HS6ST1: variants seen among roughly 807,000 people sequenced by gnomAD.
The protein encoded by HS6ST1 is heparan-sulfate 6-O-sulfotransferase 1.
A neutral mutation model predicts 25.2 loss-of-function variants in HS6ST1; 3 were observed. That is an observed-to-expected ratio of 0.12 (90% CI 0.05 to 0.31). The LOEUF is 0.31. HS6ST1 is among the 10% of genes least tolerant of loss of function. HS6ST1 has a pLI of 1.00. For synonymous variants in HS6ST1, 204 were observed against 275.1 expected, an observed-to-expected ratio of 0.74 and a Z score of 2.56; for missense variants, 310 against 609.6, an observed-to-expected ratio of 0.51 and a Z score of 5.18.
chr2:128,299,030 A>G (rs1694081699), intron 1 of HS6ST1, among the ~76,000 whole-genome samples: 1 of 152,136 alleles, frequency 6.6e-6, no homozygotes, highest in African/African-American at 2.4e-5. Context: ...TCGGAATGAG[A>G]GGACCAGAGG....
intron 1 of HS6ST1, among the ~76,000 whole-genome samples, chr2:128,289,390 G>A (rs1238312329): frequency 6.6e-6 from 1 of 152,064 alleles, no homozygotes; most frequent in Admixed American, 6.6e-5. Flanking sequence ...ACCCCGGTAC[G>A]GTCGCCACTA....
At position 128,268,213 on chromosome 2, in the gene HS6ST1, C is replaced by T. The variant is rs201256759; in HGVS notation, c.1185G>A (p.Pro395=). The T allele has an allele frequency of 4.8e-5, 77 of 1,609,642 alleles. No individual in the cohort carries two copies. The highest frequency in any genetic ancestry group is 2.0e-4 in the Middle Eastern group (1 of 4,902). ...TGTAGTCCTCGGTGGGCACGCGGCC[C>T]GGCTCGTCGGCATCCTCCCGCGGCA... ...EALPREDADE[P]GRVPTEDYMS... is the part of the protein sequence containing the mutation. Residue 395 remains proline, a synonymous_variant, in exon 2 of 2, where the codon CCG becomes CCA. Transcript: ENST00000259241.
At chr2:128,285,027 C>T (rs1411370355) in intron 1 of HS6ST1, among the ~76,000 whole-genome samples, 1 of 152,216 alleles carries the variant, frequency 6.6e-6, no homozygotes, top group Non-Finnish European at 1.5e-5. Context: ...CCAGAGCACC[C>T]TGTGCTGCGA....
intron 1 of HS6ST1, among the ~76,000 whole-genome samples, chr2:128,282,735 T>A (rs1267781420): frequency 6.6e-6 from 1 of 152,118 alleles, no homozygotes; most frequent in African/African-American, 2.4e-5. Context: ...AGGCCTGGAA[T>A]CCAGGGAAGA....
At chr2:128,276,250 C>A (rs1485139680) in intron 1 of HS6ST1, among the ~76,000 whole-genome samples, 1 of 152,212 alleles carries the variant, frequency 6.6e-6, no homozygotes, top group African/African-American at 2.4e-5. Context: ...GCCTCAGCCT[C>A]CCGAGTAGCT....
At chr2:128,268,923 C>T in intron 1 of HS6ST1, 53 bp from the exon 2 acceptor site, 2 of 1,473,880 alleles carry the variant, frequency 1.4e-6, no homozygotes, top group Non-Finnish European at 1.9e-6. Context: ...ATGAGGGGGG[C>T]TACCAGGGCT....
At chr2:128,290,847 T>TAAAAAAAAAAAAAGA (rs1693940800) in intron 1 of HS6ST1, among the ~76,000 whole-genome samples, 1 of 100,380 alleles carries the variant, frequency 1.0e-5, no homozygotes. Context: ...AAAAAAAAAT[T>TAAAAAAAAAAAAAGA]TAGCATGCAT....
intron 1 of HS6ST1, among the ~76,000 whole-genome samples, chr2:128,270,343 C>T (rs12477751): frequency 0.031 from 4,781 of 152,234 alleles, 289 homozygotes; most frequent in Admixed American, 0.16. Context: ...GCAGCAGGGG[C>T]GAGAGCAGGC....
intron 1 of HS6ST1, among the ~76,000 whole-genome samples, chr2:128,277,044 C>T (rs1693706830): frequency 6.6e-6 from 1 of 152,146 alleles, no homozygotes; most frequent in Non-Finnish European, 1.5e-5. Context: ...TGCTCCGTGG[C>T]CACACTGGAA....
In HS6ST1 at chr2:128,268,374, C is replaced by T. The variant is rs1252599547; in HGVS notation, c.1024G>A (p.Asp342Asn). 1.1e-5 allele frequency: 18 copies of T among 1,613,684 alleles called. No individual in the cohort carries two copies. The highest frequency in any genetic ancestry group is 4.0e-5 in the African/African-American group (3 of 75,066). ...TAGTCGTACAGCTGCATGTCCAGGTCGTTGAGCTCCTCGATGCGCCGGATG... is the reference window on the plus strand; with the variant it reads ...TAGTCGTACAGCTGCATGTCCAGGTTGTTGAGCTCCTCGATGCGCCGGATG... ...DTIRRIEELN[D>N]LDMQLYDYAK... is the part of the protein sequence containing the mutation. The change falls in exon 2 of 2, where the codon GAC becomes AAC. Residue 342 changes from aspartate to asparagine, a missense_variant. By Grantham distance (23) the Asp-to-Asn change is conservative (BLOSUM62 1). Coordinates refer to ENST00000259241, the MANE Select transcript of HS6ST1 (RefSeq NM_004807.3).
At chr2:128,304,243 T>C (rs1347967330) in intron 1 of HS6ST1, among the ~76,000 whole-genome samples, 3 of 152,212 alleles carry the variant, frequency 2.0e-5, no homozygotes, top group African/African-American at 4.8e-5. Context: ...TCTGTCCCTC[T>C]GGAGAACCCT....
chr2:128,288,214 C>T (rs1693894690), intron 1 of HS6ST1, among the ~76,000 whole-genome samples: 2 of 152,206 alleles, frequency 1.3e-5, no homozygotes, highest in African/African-American at 4.8e-5. Context: ...GGCCCTTCCT[C>T]TTCCTTACAG....
chr2:128,298,357 A>G (rs1694071276), intron 1 of HS6ST1, among the ~76,000 whole-genome samples: 1 of 152,192 alleles, frequency 6.6e-6, no homozygotes, highest in Non-Finnish European at 1.5e-5. Flanking sequence ...ACTTAAACAG[A>G]TATTTGTACA....
chr2:128,294,466 C>T (rs1694007292), intron 1 of HS6ST1, among the ~76,000 whole-genome samples: 1 of 152,178 alleles, frequency 6.6e-6, no homozygotes, highest in Non-Finnish European at 1.5e-5. Context: ...CACCCTGGGG[C>T]AGCCTGTCAG....
At chr2:128,289,487 T>C (rs954293711) in intron 1 of HS6ST1, among the ~76,000 whole-genome samples, 13 of 152,204 alleles carry the variant, frequency 8.5e-5, no homozygotes, top group Admixed American at 2.6e-4. Context: ...TCTGACTTCA[T>C]AGGCCACAAG....
At chr2:128,310,745 C>T (rs1243299408) in intron 1 of HS6ST1, among the ~76,000 whole-genome samples, 1 of 152,142 alleles carries the variant, frequency 6.6e-6, no homozygotes, top group African/African-American at 2.4e-5. Flanking sequence ...GGGCGTGTAC[C>T]TGCCATGTTT....
intron 1 of HS6ST1, among the ~76,000 whole-genome samples, chr2:128,313,413 G>A (rs1302996800): frequency 6.6e-6 from 1 of 152,192 alleles, no homozygotes; most frequent in Admixed American, 6.5e-5. Flanking sequence ...AATGACAACA[G>A]ACAACATTTA....
At chr2:128,278,070 A>G (rs1189763908) in intron 1 of HS6ST1, among the ~76,000 whole-genome samples, 3 of 152,248 alleles carry the variant, frequency 2.0e-5, no homozygotes, top group Non-Finnish European at 4.4e-5. Flanking sequence ...AGCCCCACTC[A>G]AACATACAGC....
At chr2:128,276,552 G>A (rs1355857565) in intron 1 of HS6ST1, among the ~76,000 whole-genome samples, 2 of 152,202 alleles carry the variant, frequency 1.3e-5, no homozygotes, top group Non-Finnish European at 2.9e-5. Flanking sequence ...TGCTGATCAT[G>A]TCCTCGTGCC....
Sources: allele counts gnomAD v4.1 joint callset (sites outside exome capture counted in the v4.1 genomes callset), GRCh38; gene constraint gnomAD v4.1.1; transcripts MANE v1.5; gene names NCBI Gene and HGNC (gene_info 2026-07-23, HGNC 2026-07-21).